DCN: variants seen among roughly 807,000 people sequenced by gnomAD.
The protein encoded by DCN is decorin.
A neutral mutation model predicts 36.5 loss-of-function variants in DCN; 17 were observed. That is an observed-to-expected ratio of 0.47 (90% confidence interval 0.32 to 0.70). The LOEUF (loss-of-function observed/expected upper bound fraction) is 0.70, where lower values mean the gene tolerates loss of function less well. Ranked by LOEUF, DCN falls within the 30% of genes least tolerant of loss-of-function variation. The pLI is 0.04. For synonymous variants in DCN, 163 were observed against 161.4 expected, an observed-to-expected ratio of 1.01 and a Z score of -0.07; for missense variants, 389 against 430.1, an observed-to-expected ratio of 0.90 and a Z score of 0.84.
chr12:91,144,369 A>G lies in DCN; in HGVS notation c.*1689T>C, dbSNP rs993252609. On this transcript the variant is annotated 3_prime_UTR_variant, in exon 8 of 8. Transcript: ENST00000052754. ...CAACAAAAAAAGTCCATTTATGGAC[A>G]TGCACCTTGAATTCCTGAATGTCTT... The G allele has an allele frequency of 6.6e-6, 1 of 152,238 alleles. No homozygotes were observed. Among genetic ancestry groups the G allele is most frequent in the Non-Finnish European group, 1.5e-5 (1 of 68,042 alleles). The allele number at this position is 152,238 out of a possible 1,614,324, so 9.4% of individuals were successfully genotyped here. A position where few individuals can be genotyped will look rare whatever the true frequency, so the allele number is the denominator to read the frequency against.
At chr12:91,167,973 G>A (rs1882693754) in intron 2 of DCN, among the ~76,000 whole-genome samples, 1 of 152,124 alleles carries the variant, frequency 6.6e-6, no homozygotes, top group African/African-American at 2.4e-5. Context: ...TGGGACTACA[G>A]GCGTTTGCCA....
Position 91,178,340 on chromosome 12 carries a change from A to T in DCN, c.211+2T>A, listed in dbSNP as rs1883420564. 6.2e-7 allele frequency: 1 copy of T among 1,612,786 alleles called. No homozygotes were observed. Among genetic ancestry groups the T allele is most frequent in the Admixed American group, 1.7e-5 (1 of 59,940 alleles). On this transcript the variant is annotated splice_donor_variant, in intron 2 of 7. Transcript: ENST00000052754. LOFTEE classifies it high-confidence loss of function. ...GGTAAAGAGAAACTGCATCCCACTC[A>T]CCCAAATCAGAACACTGGACCACTC...
Position 91,141,430 on chromosome 12 carries a change from T to A in DCN, c.*4628A>T, listed in dbSNP as rs993674057. On this transcript the variant is annotated 3_prime_UTR_variant, in exon 8 of 8. Coordinates refer to ENST00000052754, the MANE Select transcript of DCN (RefSeq NM_001920.5). ...ATAAGTCCTTTTTCCGACCATCCTA[T>A]ATAAAATAGCAAGTCTCACCCCCTT... The A allele has an allele frequency of 6.6e-6, 1 of 152,130 alleles. No individual in the cohort carries two copies. The highest frequency in any genetic ancestry group is 1.5e-5 in the Non-Finnish European group (1 of 68,060). 9.4% of individuals were successfully genotyped at this position (152,130 alleles called of 1,614,324 possible). A position where few individuals can be genotyped will look rare whatever the true frequency, so the allele number is the denominator to read the frequency against.
At chr12:91,160,217 G>A (rs1882073982) in intron 3 of DCN, among the ~76,000 whole-genome samples, 3 of 152,110 alleles carry the variant, frequency 2.0e-5, no homozygotes, top group African/African-American at 4.8e-5. Context: ...AGAGCCAGCT[G>A]AGTGGAGTGA....
chr12:91,177,144 T>C (rs2121320084), intron 2 of DCN: 2 of 162,198 alleles, frequency 1.2e-5, no homozygotes, highest in Non-Finnish European at 2.7e-5. Context: ...ATAGATCCAT[T>C]GGAATTATCC....
intron 3 of DCN, among the ~76,000 whole-genome samples, chr12:91,162,031 C>T (rs1428954033): frequency 6.6e-6 from 1 of 151,784 alleles, no homozygotes; most frequent in African/African-American, 2.4e-5. Flanking sequence ...ACCTCCCCAT[C>T]CTGGGTTCAA....
chr12:91,163,308 A>C (rs985195560), intron 3 of DCN, among the ~76,000 whole-genome samples: 1 of 152,146 alleles, frequency 6.6e-6, no homozygotes, highest in Non-Finnish European at 1.5e-5. Context: ...AACTACCACA[A>C]TATTCATTCT....
At chr12:91,146,996 C>A (rs996840005) in intron 7 of DCN, among the ~76,000 whole-genome samples, 6 of 152,128 alleles carry the variant, frequency 3.9e-5, no homozygotes, top group African/African-American at 1.4e-4. Context: ...TTTTGCCTTC[C>A]TAAATTTTAT....
At chr12:91,150,535 G>T (rs1369313402) in intron 7 of DCN, among the ~76,000 whole-genome samples, 2 of 152,102 alleles carry the variant, frequency 1.3e-5, no homozygotes, top group Non-Finnish European at 2.9e-5. Context: ...TGTGGCTGGA[G>T]ATGAGATATT....
chr12:91,178,557 T>C lies in DCN; in HGVS notation c.-5A>G, dbSNP rs543023495. ...GAGGATGATAGTGGCCTTCATGATT[T>C]ATCTCATGTATTTTCACAACCAGGG... On this transcript the variant is annotated 5_prime_UTR_variant, in exon 2 of 8. The change creates a new upstream start codon in the 5' untranslated region. Coordinates refer to ENST00000052754, the MANE Select transcript of DCN (RefSeq NM_001920.5). The C allele has an allele frequency of 1.2e-6, 2 of 1,613,166 alleles. No individual in the cohort carries two copies. Among genetic ancestry groups the C allele is most frequent in the South Asian group, 1.1e-5 (1 of 91,076 alleles).
rs541829649 is a variant in DCN at position 91,173,248 on chromosome 12, T to C, written c.211+5094A>G. ...TATTTTAGCTAACCAATTCCCACCATATCCCCTGGAGCTAGGGATGTTCTT... is the reference window on the plus strand; with the variant it reads ...TATTTTAGCTAACCAATTCCCACCACATCCCCTGGAGCTAGGGATGTTCTT... On this transcript the variant is annotated intron_variant, in intron 2 of 7. Transcript: ENST00000052754. Among the ~76,000 whole-genome samples, 128 of 152,246 alleles carry C rather than the reference T, an allele frequency of 8.4e-4. 1 individual carries two copies. The highest frequency in any genetic ancestry group is 3.4e-3 in the Middle Eastern group (1 of 294).
At chr12:91,165,462 T>C (rs1291935236) in intron 2 of DCN, among the ~76,000 whole-genome samples, 2 of 152,146 alleles carry the variant, frequency 1.3e-5, no homozygotes, top group African/African-American at 4.8e-5. Flanking sequence ...GTAAATTCAT[T>C]GAATTACCAA....
intron 3 of DCN, among the ~76,000 whole-genome samples, chr12:91,161,137 T>A (rs1322171695): frequency 6.6e-6 from 1 of 152,232 alleles, no homozygotes; most frequent in African/African-American, 2.4e-5. Context: ...AAGGCTCTAA[T>A]GAACTCTCTT....
intron 1 of DCN, 63 bp from the exon 2 acceptor site, chr12:91,178,648 A>G (rs1592711556): frequency 2.1e-6 from 2 of 971,026 alleles, no homozygotes; most frequent in East Asian, 2.4e-5. Flanking sequence ...CGTTTCTTAT[A>G]TAATATGCCA....
intron 2 of DCN, among the ~76,000 whole-genome samples, chr12:91,174,487 A>T (rs2121306198): frequency 6.6e-6 from 1 of 152,240 alleles, no homozygotes; most frequent in South Asian, 2.1e-4. Flanking sequence ...ATTCTCATTA[A>T]TACATAAAAA....
intron 2 of DCN, among the ~76,000 whole-genome samples, chr12:91,167,308 G>A (rs2121264803): frequency 6.6e-6 from 1 of 152,068 alleles, no homozygotes; most frequent in East Asian, 1.9e-4. Context: ...TGTCACAAAG[G>A]GAAGGGTCCT....
chr12:91,141,383 C>G lies in DCN; in HGVS notation c.*4675G>C, dbSNP rs2082803038. 1 of 152,188 alleles carries G rather than the reference C, an allele frequency of 6.6e-6. No homozygotes were observed. The highest frequency in any genetic ancestry group is 1.5e-5 in the Non-Finnish European group (1 of 68,098). The allele number at this position is 152,188 out of a possible 1,614,324, so 9.4% of individuals were successfully genotyped here. A position where few individuals can be genotyped will look rare whatever the true frequency, so the allele number is the denominator to read the frequency against. On this transcript the variant is annotated 3_prime_UTR_variant, in exon 8 of 8. Coordinates refer to ENST00000052754, the MANE Select transcript of DCN (RefSeq NM_001920.5). ...GCTTGCTCCCTTCAGTTCTTCATCT[C>G]CCTGCTCAAATGTCACTCCTGATAA...
Position 91,151,769 on chromosome 12 carries a change from A to G in DCN, c.770T>C (p.Ile257Thr), listed in dbSNP as rs745770215. ...LAKLGLSFNSISAVDNGSLAN... is the reference protein window; with the variant it reads ...LAKLGLSFNSTSAVDNGSLAN... The stretch of plus-strand genomic sequence containing the variant: ...CAGAGAGCCATTGTCAACAGCAGAG[A>G]TGCTGTTGAAACTCAATCCCAACCT... Residue 257 changes from isoleucine (I) to threonine (T), a missense_variant, in exon 7 of 8, where the codon ATC becomes ACC. By Grantham distance (89) the Ile-to-Thr change is moderately conservative. Coordinates refer to ENST00000052754, the MANE Select transcript of DCN (RefSeq NM_001920.5). 6.2e-7 allele frequency: 1 copy of G among 1,613,810 alleles called. No homozygotes were observed. Among genetic ancestry groups the G allele is most frequent in the Non-Finnish European group, 8.5e-7 (1 of 1,179,678 alleles).
chr12:91,168,261 C>G (rs558537730), intron 2 of DCN, among the ~76,000 whole-genome samples: 4 of 152,250 alleles, frequency 2.6e-5, no homozygotes, highest in African/African-American at 9.6e-5. Context: ...TTATGTAAAA[C>G]TCCACTTATT....
Sources: allele counts gnomAD v4.1 joint callset (sites outside exome capture counted in the v4.1 genomes callset), GRCh38; gene constraint gnomAD v4.1.1; transcripts MANE v1.5; gene names NCBI Gene and HGNC (gene_info 2026-07-23, HGNC 2026-07-21).